Variants in TANC2 observed in about 807,000 individuals in gnomAD.
TANC2 encodes the protein tetratricopeptide repeat, ankyrin repeat and coiled-coil containing 2, also known as protein TANC2.
A neutral mutation model predicts 210.5 loss-of-function variants in TANC2; 26 were observed. The observed-to-expected ratio is 0.12, with a 90% CI of 0.09 to 0.17. The LOEUF (loss-of-function observed/expected upper bound fraction) is 0.17. TANC2 is among the 10% of genes least tolerant of loss of function. TANC2 has a pLI of 1.00. For synonymous variants in TANC2, 931 were observed against 967.1 expected (o/e 0.96, Z 0.69); for missense variants, 2,129 against 2,608.9 (o/e 0.82, Z 4.01).
chr17:63,397,292 CAAAA>C (rs150718483), intron 18 of TANC2, among the ~76,000 whole-genome samples: 3,179 of 151,480 alleles, frequency 0.021, 98 homozygotes, highest in African/African-American at 0.071. Flanking sequence ...AACAAACAAA[CAAAA>C]AGAATATGTT....
chr17:63,294,295 G>C (rs976088440), intron 9 of TANC2, among the ~76,000 whole-genome samples: 1 of 152,044 alleles, frequency 6.6e-6, no homozygotes, highest in Admixed American at 6.6e-5. Context: ...GTGGTAAATG[G>C]TGAAACCCTG....
intron 4 of TANC2, among the ~76,000 whole-genome samples, chr17:63,100,453 A>C (rs959832331): frequency 3.3e-5 from 5 of 152,282 alleles, no homozygotes; most frequent in African/African-American, 1.2e-4. Flanking sequence ...TTAGATTAAA[A>C]AAATAGGTAA....
At chr17:63,093,861 G>A (rs2037291363) in intron 3 of TANC2, among the ~76,000 whole-genome samples, 2 of 151,912 alleles carry the variant, frequency 1.3e-5, no homozygotes, top group African/African-American at 4.8e-5. Flanking sequence ...CATTTCTTCT[G>A]TCTCAGCCTC....
At chr17:63,015,169 G>C (rs891622976) in intron 2 of TANC2, among the ~76,000 whole-genome samples, 1 of 151,498 alleles carries the variant, frequency 6.6e-6, no homozygotes, top group Non-Finnish European at 1.5e-5. Flanking sequence ...TTAAATCAAC[G>C]TAGTCTTTAG....
At chr17:63,291,518 A>G (rs1050561955) in intron 9 of TANC2, among the ~76,000 whole-genome samples, 4 of 152,200 alleles carry the variant, frequency 2.6e-5, no homozygotes, top group Non-Finnish European at 5.9e-5. Context: ...TTGGATGATT[A>G]TGGTGGGGTG....
chr17:63,160,921 T>C (rs1334768108), intron 5 of TANC2, among the ~76,000 whole-genome samples: 2 of 152,242 alleles, frequency 1.3e-5, no homozygotes, highest in African/African-American at 4.8e-5. Flanking sequence ...TATTTTTGGC[T>C]TTTATAGTCT....
At position 63,420,238 on chromosome 17, in the gene TANC2, A is replaced by C. The variant is rs369743122; in HGVS notation, c.4508A>C (p.Asp1503Ala). The change falls in exon 28 of 28, where the codon GAT becomes GCT. Residue 1503 changes from aspartate (D) to alanine (A), a missense_variant. Asp to Ala is a moderately radical substitution (Grantham distance 126). Transcript: ENST00000689528. This position sits in a 1 kb window ranked among gnomAD's most constrained non-coding sequence, Gnocchi z 4.2. ...TTCGAGGAGGAGTACCTGGAACAGG[A>C]TGTTGAAAATGTTTCCATTGGCCTC... The C allele has an allele frequency of 5.0e-6, 8 of 1,613,260 alleles. No homozygotes were observed. In the East Asian group the frequency reaches 1.6e-4, roughly 31 times the overall value.
At chr17:63,179,876 A>G (rs1045804561) in intron 5 of TANC2, among the ~76,000 whole-genome samples, 2 of 151,374 alleles carry the variant, frequency 1.3e-5, no homozygotes, top group Non-Finnish European at 2.9e-5. Context: ...TAGGCTGGGC[A>G]TGGTTCATGC....
intron 2 of TANC2, among the ~76,000 whole-genome samples, chr17:63,015,169 G>A (rs891622976): frequency 2.6e-5 from 4 of 151,616 alleles, no homozygotes; most frequent in Non-Finnish European, 4.4e-5. Flanking sequence ...TTAAATCAAC[G>A]TAGTCTTTAG....
intron 15 of TANC2, among the ~76,000 whole-genome samples, chr17:63,387,605 A>C (rs895760562): frequency 3.1e-4 from 47 of 152,228 alleles, no homozygotes; most frequent in African/African-American, 1.1e-3. Context: ...TATATCTCTT[A>C]TTACAACCCA....
At chr17:63,049,930 A>G (rs1256870385) in intron 2 of TANC2, among the ~76,000 whole-genome samples, 1 of 152,158 alleles carries the variant, frequency 6.6e-6, no homozygotes, top group Non-Finnish European at 1.5e-5. Flanking sequence ...GGATGACTCC[A>G]CGGTTTTTGG....
chr17:63,124,040 G>A (rs575899606), intron 4 of TANC2, among the ~76,000 whole-genome samples: 1 of 152,098 alleles, frequency 6.6e-6, no homozygotes, highest in South Asian at 2.1e-4. Context: ...AAATAGAAAA[G>A]GTAGAAAGTA....
At chr17:63,123,428 T>G (rs8066694) in intron 4 of TANC2, among the ~76,000 whole-genome samples, 144,032 of 151,718 alleles carry the variant, frequency 0.95, 68,442 homozygotes, top group East Asian at 1. Flanking sequence ...ATGTGATGGC[T>G]GGCGCCTGTG....
intron 8 of TANC2, among the ~76,000 whole-genome samples, chr17:63,257,389 A>T (rs974594089): frequency 6.6e-6 from 1 of 152,056 alleles, no homozygotes; most frequent in Non-Finnish European, 1.5e-5. Flanking sequence ...ATAGGGTCTC[A>T]CTTTGTTACC....
chr17:62,977,791 G>C (rs544796380), intron 1 of TANC2, among the ~76,000 whole-genome samples: 2 of 152,070 alleles, frequency 1.3e-5, no homozygotes, highest in East Asian at 3.9e-4. Flanking sequence ...CTCCCCTCGG[G>C]TTTCTCCCTT....
intron 2 of TANC2, among the ~76,000 whole-genome samples, chr17:63,058,187 T>C (rs528626496): frequency 6.6e-5 from 10 of 152,330 alleles, no homozygotes; most frequent in Admixed American, 5.9e-4. Context: ...TGATGTGATA[T>C]TGAGCTTTTT....
At chr17:63,311,639 A>T (rs1424026330) in intron 9 of TANC2, among the ~76,000 whole-genome samples, 3 of 152,230 alleles carry the variant, frequency 2.0e-5, no homozygotes, top group Non-Finnish European at 4.4e-5. Flanking sequence ...ACTCCTAGAT[A>T]TATAGCCAAG....
chr17:63,131,117 T>C (rs1235859265), intron 4 of TANC2, among the ~76,000 whole-genome samples: 1 of 152,176 alleles, frequency 6.6e-6, no homozygotes, highest in Non-Finnish European at 1.5e-5. Flanking sequence ...AAATAGAGTT[T>C]ACCTAAAAGA....
In TANC2 at chr17:63,219,646, G is replaced by A. The variant is rs550302854; in HGVS notation, c.770-18168G>A. Among the ~76,000 whole-genome samples the A allele has an allele frequency of 1.1e-4, 16 of 152,114 alleles. 1 individual carries two copies. The highest frequency in any genetic ancestry group is 7.4e-5 in the Non-Finnish European group (5 of 67,974). On this transcript the variant is annotated intron_variant, in intron 7 of 27. Transcript: ENST00000689528. Reference sequence around the variant, plus strand: ...GGTTGTTCTTGAACTCCTGACCTTAGGTGATCCACCCACCTCAGCCTCCCA... The same window carrying A: ...GGTTGTTCTTGAACTCCTGACCTTAAGTGATCCACCCACCTCAGCCTCCCA...
Sources: gnomAD v4.1 joint callset for allele counts (sites outside exome capture counted in the v4.1 genomes callset) on GRCh38, gnomAD v4.1.1 for gene constraint, Gnocchi (gnomAD v3.1) non-coding constraint, MANE v1.5 for transcripts, NCBI Gene and HGNC (gene_info 2026-07-23, HGNC 2026-07-21) for gene names.